DENND5A: variants seen among roughly 807,000 people sequenced by gnomAD.
The protein encoded by DENND5A is DENN domain-containing protein 5A.
Under a neutral mutation model 140.3 loss-of-function variants are expected in DENND5A, and 64 were observed. That is an observed-to-expected ratio of 0.46 (90% confidence interval 0.37 to 0.56). DENND5A has a LOEUF of 0.56. Ranked by LOEUF, DENND5A falls within the 20% of genes least tolerant of loss-of-function variation. DENND5A has a pLI of 0.00. For synonymous variants in DENND5A, 605 were observed against 607.7 expected, an observed-to-expected ratio of 1.00 and a Z score of 0.07; for missense variants, 1,292 against 1,593.8, an observed-to-expected ratio of 0.81 and a Z score of 3.22.
chr11:9,240,914 T>C (rs1230541007), intron 1 of DENND5A, among the ~76,000 whole-genome samples: 1 of 152,224 alleles, frequency 6.6e-6, no homozygotes, highest in Non-Finnish European at 1.5e-5. Flanking sequence ...TGAGGTATGT[T>C]AACAACCAGC....
intron 11 of DENND5A, among the ~76,000 whole-genome samples, chr11:9,162,866 T>G (rs1391842399): frequency 6.4e-5 from 3 of 46,596 alleles, no homozygotes; most frequent in Admixed American, 1.7e-4. Flanking sequence ...TTTTGTGATT[T>G]TTTTTTTTTT....
chr11:9,255,789 C>A (rs539805729), intron 1 of DENND5A, among the ~76,000 whole-genome samples: 3 of 151,882 alleles, frequency 2.0e-5, no homozygotes, highest in African/African-American at 7.2e-5. Flanking sequence ...TGCTTGAACC[C>A]GGGAGGCAGA....
At chr11:9,219,520 T>C (rs1850226825) in intron 1 of DENND5A, among the ~76,000 whole-genome samples, 1 of 152,116 alleles carries the variant, frequency 6.6e-6, no homozygotes, top group African/African-American at 2.4e-5. Context: ...GTATTTTCTA[T>C]GAATCCTTTC....
intron 8 of DENND5A, among the ~76,000 whole-genome samples, chr11:9,176,455 G>C (rs559355367): frequency 6.6e-6 from 1 of 152,240 alleles, no homozygotes; most frequent in South Asian, 2.1e-4. Context: ...CCATTCTCTA[G>C]CTAAACTAAT....
In DENND5A at chr11:9,250,329, C is replaced by T. The variant is rs181366173; in HGVS notation, c.109+14632G>A. Among the ~76,000 whole-genome samples, 14 of 150,198 alleles carry T rather than the reference C, an allele frequency of 9.3e-5. No individual in the cohort carries two copies. The South Asian group carries it at 2.9e-3, about 31-fold the overall frequency. On this transcript the variant is annotated intron_variant, in intron 1 of 22. Transcript: ENST00000328194. ...TAGTAACTACCTAGTCTAAGAAAAA[C>T]ATTTCCAGAACTGATAAAGAGTGGG...
intron 1 of DENND5A, among the ~76,000 whole-genome samples, chr11:9,250,138 C>T (rs919247337): frequency 1.3e-5 from 2 of 151,804 alleles, no homozygotes; most frequent in Admixed American, 6.6e-5. Context: ...AGCCAGCCCC[C>T]GAACTACAAC....
chr11:9,258,745 G>T (rs1469507098), intron 1 of DENND5A, among the ~76,000 whole-genome samples: 1 of 145,586 alleles, frequency 6.9e-6, no homozygotes, highest in Non-Finnish European at 1.5e-5. Flanking sequence ...ATGTGGCAAG[G>T]GAGACAAATA....
chr11:9,228,273 T>C (rs1047279791), intron 1 of DENND5A, among the ~76,000 whole-genome samples: 1 of 152,074 alleles, frequency 6.6e-6, no homozygotes, highest in South Asian at 2.1e-4. Flanking sequence ...ACCTACTAAA[T>C]AGCTTAAGCT....
At chr11:9,257,115 T>A (rs1425006869) in intron 1 of DENND5A, among the ~76,000 whole-genome samples, 2 of 151,460 alleles carry the variant, frequency 1.3e-5, no homozygotes, top group Non-Finnish European at 2.9e-5. Context: ...TTTCAAGCGA[T>A]TCTCCTGTGT....
intron 15 of DENND5A, among the ~76,000 whole-genome samples, chr11:9,147,858 G>A (rs1246412633): frequency 6.6e-6 from 1 of 152,150 alleles, no homozygotes; most frequent in African/African-American, 2.4e-5. Context: ...GAGACACCCA[G>A]AGCCAAATGT....
At chr11:9,228,712 C>T (rs1483955993) in intron 1 of DENND5A, among the ~76,000 whole-genome samples, 1 of 128,686 alleles carries the variant, frequency 7.8e-6, no homozygotes, top group African/African-American at 3.1e-5. Context: ...GAGTGAGACA[C>T]CGTCTCAAAA....
At chr11:9,145,591 A>G in intron 17 of DENND5A, 79 bp downstream of exon 17, 2 of 1,501,054 alleles carry the variant, frequency 1.3e-6, no homozygotes. Context: ...AGCCCTCTGA[A>G]AAACCCTGCA....
At chr11:9,167,475 T>TAA (rs547949319) in intron 10 of DENND5A, among the ~76,000 whole-genome samples, 13 of 119,442 alleles carry the variant, frequency 1.1e-4, no homozygotes, top group Non-Finnish European at 2.1e-4. Flanking sequence ...GATGAAAGAT[T>TAA]AAAAAAAAAA....
intron 1 of DENND5A, among the ~76,000 whole-genome samples, chr11:9,214,088 T>C (rs1297932853): frequency 6.6e-6 from 1 of 152,218 alleles, no homozygotes; most frequent in Non-Finnish European, 1.5e-5. Context: ...CTGAGTGTCG[T>C]CCATGCTATA....
At chr11:9,213,652 C>A (rs1030044785) in intron 1 of DENND5A, among the ~76,000 whole-genome samples, 1 of 151,052 alleles carries the variant, frequency 6.6e-6, no homozygotes, top group Non-Finnish European at 1.5e-5. Context: ...TACTAAAACA[C>A]AAAAATTAGC....
At chr11:9,238,545 T>C (rs188913850) in intron 1 of DENND5A, among the ~76,000 whole-genome samples, 57 of 151,820 alleles carry the variant, frequency 3.8e-4, no homozygotes, top group African/African-American at 1.4e-3. Flanking sequence ...GCTTCCCGAG[T>C]AGCTGGGACC....
chr11:9,143,159 G>A, intron 20 of DENND5A: 1 of 593,124 alleles, frequency 1.7e-6, no homozygotes, highest in South Asian at 2.1e-5. Context: ...AATAGGCACT[G>A]TTCACTAGGG....
chr11:9,194,144 A>C (rs11042217), intron 4 of DENND5A, among the ~76,000 whole-genome samples: 49,391 of 152,112 alleles, frequency 0.32, 8,905 homozygotes, highest in African/African-American at 0.47. Context: ...TTGCCTGCAA[A>C]GTCAAGCACA....
chr11:9,201,415 G>A (rs1275051582), intron 4 of DENND5A, among the ~76,000 whole-genome samples: 4 of 151,490 alleles, frequency 2.6e-5, no homozygotes, highest in Admixed American at 2.0e-4. Context: ...GCACAGTGGC[G>A]CCTGTAATCC....
Sources: allele counts gnomAD v4.1 joint callset (sites outside exome capture counted in the v4.1 genomes callset), GRCh38; gene constraint gnomAD v4.1.1; transcripts MANE v1.5; gene names NCBI Gene and HGNC (gene_info 2026-07-23, HGNC 2026-07-21).